ZNF544: variants seen among roughly 807,000 people sequenced by gnomAD.
ZNF544 encodes zinc finger protein AF020591.
ZNF544 carries 10 observed loss-of-function variants against 13.5 expected under a neutral mutation model. That is an observed-to-expected ratio of 0.74 (90% CI 0.46 to 1.25). ZNF544 has a LOEUF of 1.25. Ranked by LOEUF, ZNF544 falls within the 50% of genes most tolerant of loss-of-function variation. ZNF544 has a pLI of 0.00. For synonymous variants in ZNF544, 323 were observed against 300.5 expected, an observed-to-expected ratio of 1.07 and a Z score of -0.77; for missense variants, 896 against 845.6, an observed-to-expected ratio of 1.06 and a Z score of -0.74.
At chr19:58,240,554 G>A (rs545902619) in intron 3 of ZNF544, among the ~76,000 whole-genome samples, 11 of 152,242 alleles carry the variant, frequency 7.2e-5, no homozygotes, top group Non-Finnish European at 1.5e-4. Context: ...GAGGTCAGGA[G>A]TTTGAGACCA....
At chr19:58,258,542 G>A (rs2048164218) in intron 6 of ZNF544, 1 of 69,220 alleles carries the variant, frequency 1.4e-5, no homozygotes, top group Non-Finnish European at 3.3e-5. Context: ...TGAGGGTGCT[G>A]GGTGTGAGGG....
chr19:58,242,485 A>G (rs143041594), intron 3 of ZNF544, among the ~76,000 whole-genome samples: 13 of 150,748 alleles, frequency 8.6e-5, no homozygotes, highest in Non-Finnish European at 1.5e-4. Context: ...GGCTGCCTTT[A>G]TCTGCTCTTC....
chr19:58,257,075 C>T (rs1240044554), intron 6 of ZNF544, among the ~76,000 whole-genome samples: 1 of 152,104 alleles, frequency 6.6e-6, no homozygotes, highest in Non-Finnish European at 1.5e-5. Flanking sequence ...GCACCCACCA[C>T]CACGCCCGTC....
At chr19:58,276,059 C>T (rs1003786829) in intron 5 of ZNF544, among the ~76,000 whole-genome samples, 4 of 152,076 alleles carry the variant, frequency 2.6e-5, no homozygotes, top group Non-Finnish European at 5.9e-5. Flanking sequence ...CACCTGTGCT[C>T]CCAGCTACTC....
intron 6 of ZNF544, among the ~76,000 whole-genome samples, chr19:58,248,273 C>CTTTTTTTTTTTTT (rs34774786): frequency 9.2e-6 from 1 of 108,516 alleles, no homozygotes; most frequent in African/African-American, 3.7e-5. Context: ...TTTTTTTTTT[C>CTTTTTTTTTTTTT]TTTTTTTTTT....
intron 6 of ZNF544, chr19:58,259,502 A>T (rs1394564820): frequency 6.6e-6 from 1 of 152,254 alleles, no homozygotes; most frequent in Non-Finnish European, 1.5e-5. Flanking sequence ...CCACAAGTCC[A>T]AAATCAATGT....
chr19:58,243,092 T>C (rs1448832220), intron 3 of ZNF544, among the ~76,000 whole-genome samples: 1 of 152,018 alleles, frequency 6.6e-6, no homozygotes, highest in African/African-American at 2.4e-5. Flanking sequence ...CCTCCCAAAG[T>C]GTTGGGATTC....
At chr19:58,255,245 G>A (rs1218747718) in intron 6 of ZNF544, among the ~76,000 whole-genome samples, 1 of 151,232 alleles carries the variant, frequency 6.6e-6, no homozygotes, top group Non-Finnish European at 1.5e-5. Flanking sequence ...GCATGATCTC[G>A]GGTCACTGCA....
Position 58,262,825 on chromosome 19 carries a change from G to A in ZNF544, c.*71G>A, listed in dbSNP as rs533306532. ...ATCATGCACCAGAGGACGCATGTCG[G>A]TGGGAAGAGCTATCAGTGTGACGTG... On this transcript the variant is annotated 3_prime_UTR_variant, in exon 7 of 7. Transcript: ENST00000687789. 6.5e-6 allele frequency: 10 copies of A among 1,527,550 alleles called. No individual in the cohort carries two copies. Among genetic ancestry groups the A allele is most frequent in the Non-Finnish European group, 8.8e-6 (10 of 1,139,304 alleles). 94.6% of individuals were successfully genotyped at this position (1,527,550 alleles called of 1,614,324 possible).
chr19:58,271,350 C>T (rs564392122), intron 5 of ZNF544, among the ~76,000 whole-genome samples: 10 of 152,050 alleles, frequency 6.6e-5, no homozygotes, highest in Non-Finnish European at 1.2e-4. Flanking sequence ...ACCTGTAATC[C>T]CAGTGCTTTG....
In ZNF544 at chr19:58,261,202, C is replaced by T; in HGVS notation, c.596C>T (p.Ala199Val). 6.2e-7 allele frequency: 1 copy of T among 1,614,060 alleles called. No homozygotes were observed. The highest frequency in any genetic ancestry group is 8.5e-7 in the Non-Finnish European group (1 of 1,180,032). ...SQVKELKQNS[A>V]FINHEKNGAD... ...GTTAAAGAGTTGAAACAAAATTCAGCTTTCATTAATCATGAGAAAAATGGA... is the reference window on the plus strand; with the variant it reads ...GTTAAAGAGTTGAAACAAAATTCAGTTTTCATTAATCATGAGAAAAATGGA... The change falls in exon 7 of 7, where the codon GCT (alanine) becomes GTT (valine). Residue 199 changes from alanine to valine, a missense_variant. Ala to Val is a moderately conservative substitution (Grantham distance 64). Coordinates refer to ENST00000687789, the MANE Select transcript of ZNF544 (RefSeq NM_014480.4).
At position 58,243,994 on chromosome 19, in the gene ZNF544, C is replaced by A; in HGVS notation, c.-30C>A. On this transcript the variant is annotated 5_prime_UTR_variant, in exon 4 of 7. Transcript: ENST00000687789. ...GTCTTCTGAGGACCTCTGCCCTCTACACAGCGGCCTCTTCAGGTGCAGGGA... is the reference window on the plus strand; with the variant it reads ...GTCTTCTGAGGACCTCTGCCCTCTAAACAGCGGCCTCTTCAGGTGCAGGGA... 1 of 1,603,442 alleles carries A rather than the reference C, an allele frequency of 6.2e-7. No homozygotes were observed. The highest frequency in any genetic ancestry group is 8.5e-7 in the Non-Finnish European group (1 of 1,174,744).
In ZNF544 at chr19:58,237,175, C is replaced by T. The variant is rs370260208; in HGVS notation, c.-60+6713C>T. Among the ~76,000 whole-genome samples, 13 of 150,556 alleles carry T rather than the reference C, an allele frequency of 8.6e-5. No individual in the cohort carries two copies. In the East Asian group the frequency reaches 2.0e-3, roughly 23 times the overall value. ...TGTTCCCAGGCTCCAGCAATCTTCCCGCCTCAGCCTCCCAGGTAGCTGGGA... is the reference window on the plus strand; with the variant it reads ...TGTTCCCAGGCTCCAGCAATCTTCCTGCCTCAGCCTCCCAGGTAGCTGGGA... On this transcript the variant is annotated intron_variant, in intron 3 of 6. Coordinates refer to ENST00000687789, the MANE Select transcript of ZNF544 (RefSeq NM_014480.4).
Position 58,276,434 on chromosome 19 carries a change from G to A in ZNF544, c.351+5G>A, listed in dbSNP as rs992330009. 22 of 1,222,248 alleles carry A rather than the reference G, an allele frequency of 1.8e-5. No individual in the cohort carries two copies. In the African/African-American group the frequency reaches 2.9e-4, roughly 16 times the overall value. 75.7% of individuals were successfully genotyped at this position (1,222,248 alleles called of 1,614,324 possible). A position where few individuals can be genotyped will look rare whatever the true frequency, so the allele number is the denominator to read the frequency against. On this transcript the variant is annotated splice_donor_5th_base_variant and intron_variant, in intron 6 of 6. Transcript: ENST00000595981. Reference sequence around the variant, plus strand: ...CAGCAGCTGCCACTTGCTCAGGTGAGTGAAGACATCTGTCAAAAGTCAGAA... The same window carrying A: ...CAGCAGCTGCCACTTGCTCAGGTGAATGAAGACATCTGTCAAAAGTCAGAA...
At chr19:58,274,087 C>T (rs73568664) in intron 5 of ZNF544, among the ~76,000 whole-genome samples, 1,974 of 152,190 alleles carry the variant, frequency 0.013, 42 homozygotes, top group African/African-American at 0.043. Context: ...AGCCACCGTG[C>T]CCGGCTCCTA....
intron 6 of ZNF544, among the ~76,000 whole-genome samples, chr19:58,248,262 CTTTTTTTTTTCTTTT>C (rs1379895111): frequency 7.3e-6 from 1 of 136,746 alleles, no homozygotes; most frequent in Non-Finnish European, 1.6e-5. Context: ...AGGGTTCATG[CTTTTTTTTTTCTTTT>C]TTTTTTTTTT....
chr19:58,249,938 C>T (rs572172387), intron 6 of ZNF544, among the ~76,000 whole-genome samples: 10 of 152,196 alleles, frequency 6.6e-5, no homozygotes, highest in East Asian at 5.8e-4. Context: ...CCCAGTCCCG[C>T]GGTTATTTGT....
intron 5 of ZNF544, among the ~76,000 whole-genome samples, chr19:58,269,781 TGTG>T (rs1048380332): frequency 6.6e-6 from 1 of 151,634 alleles, no homozygotes; most frequent in Non-Finnish European, 1.5e-5. Context: ...ATTAGCCAAG[TGTG>T]GTGATAAATG....
chr19:58,276,419 C>T, exon 6 of ZNF544: 1 of 1,231,224 alleles, frequency 8.1e-7, no homozygotes, highest in Non-Finnish European at 1.0e-6. Flanking sequence ...CAGCAGCTGC[C>T]ACTTGCTCAG....
Sources: gnomAD v4.1 joint callset for allele counts (sites outside exome capture counted in the v4.1 genomes callset) on GRCh38, gnomAD v4.1.1 for gene constraint, MANE v1.5 for transcripts, NCBI Gene and HGNC (gene_info 2026-07-23, HGNC 2026-07-21) for gene names.